The following STPG2 variants were observed in gnomAD, a reference collection of about 807,000 sequenced individuals.
The protein encoded by STPG2 is sperm-tail PG-rich repeat-containing protein 2.
A neutral mutation model predicts 54.2 loss-of-function variants in STPG2; 56 were observed. The ratio of observed to expected loss-of-function variants is 1.03; its 90% CI spans 0.83 to 1.29. STPG2 has a LOEUF of 1.29. Among genes scored for constraint, STPG2 ranks in the 50% most tolerant of loss-of-function variants. The pLI, the probability that STPG2 is intolerant of heterozygous loss-of-function variation, is 0.00. For synonymous variants in STPG2, 200 were observed against 181.8 expected (o/e 1.10, Z -0.81); for missense variants, 596 against 544.9 (o/e 1.09, Z -0.93).
Position 97,793,402 on chromosome 4 carries a change from C to CAGAG in STPG2, c.1204+47367_1204+47370dup, listed in dbSNP as rs58183995. Among the ~76,000 whole-genome samples, 4 of 148,354 alleles carry CAGAG rather than the reference C, an allele frequency of 2.7e-5. No individual in the cohort carries two copies. In the East Asian group the frequency reaches 6.0e-4, roughly 22 times the overall value. Reference sequence around the variant, plus strand: ...ACACACACACACACACACACACACACAGAGAAATAGCATACATATAAATTA... The same window carrying CAGAG: ...ACACACACACACACACACACACACACAGAGAGAGAAATAGCATACATATAAATTA... On this transcript the variant is annotated intron_variant, in intron 9 of 10. Transcript: ENST00000295268.
chr4:97,991,430 A>AAT (rs1735007095), intron 5 of STPG2, among the ~76,000 whole-genome samples: 1 of 141,428 alleles, frequency 7.1e-6, no homozygotes, highest in African/African-American at 2.7e-5. Context: ...AATACTACTC[A>AAT]GTGTGTGTGT....
chr4:98,112,647 G>GT (rs556739982), intron 3 of STPG2, among the ~76,000 whole-genome samples: 7 of 152,054 alleles, frequency 4.6e-5, no homozygotes, highest in Non-Finnish European at 1.0e-4. Flanking sequence ...GAAAATTATA[G>GT]TTTTTCTAAA....
chr4:97,857,602 CT>C (rs954909016), intron 8 of STPG2, among the ~76,000 whole-genome samples: 1 of 151,988 alleles, frequency 6.6e-6, no homozygotes, highest in Admixed American at 6.6e-5. Flanking sequence ...AAAACAATGT[CT>C]CCTGGATTCA....
chr4:98,084,197 T>C (rs1425423522), intron 5 of STPG2, among the ~76,000 whole-genome samples: 1 of 152,220 alleles, frequency 6.6e-6, no homozygotes, highest in Admixed American at 6.5e-5. Context: ...AATGAAATCA[T>C]ACAGTATTTT....
At chr4:97,516,849 A>AT (rs1553934571) in intron 4 of STPG2, among the ~76,000 whole-genome samples, 11 of 149,134 alleles carry the variant, frequency 7.4e-5, no homozygotes, top group Middle Eastern at 3.5e-3. Context: ...CAACAACAAC[A>AT]ATATATATAT....
chr4:97,826,366 T>C (rs1057045921), intron 9 of STPG2, among the ~76,000 whole-genome samples: 1 of 149,090 alleles, frequency 6.7e-6, no homozygotes, highest in African/African-American at 2.5e-5. Flanking sequence ...ATATAAAGGT[T>C]TGAACAAGTT....
At chr4:98,000,461 A>G (rs1430029175) in intron 5 of STPG2, among the ~76,000 whole-genome samples, 1 of 130,462 alleles carries the variant, frequency 7.7e-6, no homozygotes, top group Non-Finnish European at 1.7e-5. Flanking sequence ...TAACTCTTTA[A>G]GTGATCTAAC....
intron 9 of STPG2, among the ~76,000 whole-genome samples, chr4:97,816,720 T>TCCTC (rs1005533805): frequency 4.0e-5 from 6 of 149,956 alleles, no homozygotes; most frequent in African/African-American, 1.2e-4. Flanking sequence ...CTTCCTTCCT[T>TCCTC]CCTCCCTCCC....
At chr4:97,576,154 C>G (rs1163115690) in intron 10 of STPG2, among the ~76,000 whole-genome samples, 2 of 151,548 alleles carry the variant, frequency 1.3e-5, no homozygotes, top group African/African-American at 4.9e-5. Context: ...CATGAATAGG[C>G]AGAATCAATA....
chr4:98,122,227 C>T (rs1560689283), intron 3 of STPG2, among the ~76,000 whole-genome samples: 1 of 152,138 alleles, frequency 6.6e-6, no homozygotes, highest in Non-Finnish European at 1.5e-5. Flanking sequence ...CCAAAACTTC[C>T]AATACTATGT....
At chr4:97,445,709 A>G (rs1399014498) in intron 4 of STPG2, among the ~76,000 whole-genome samples, 3 of 152,216 alleles carry the variant, frequency 2.0e-5, no homozygotes, top group Non-Finnish European at 4.4e-5. Context: ...GCATGAATAA[A>G]CTGATGGCAT....
At chr4:97,977,949 G>T (rs1734548913) in intron 6 of STPG2, among the ~76,000 whole-genome samples, 1 of 152,170 alleles carries the variant, frequency 6.6e-6, no homozygotes, top group African/African-American at 2.4e-5. Flanking sequence ...CTGGTATTAT[G>T]CAATGGCAGA....
chr4:97,442,677 G>A (rs1307608995), intron 4 of STPG2, among the ~76,000 whole-genome samples: 1 of 152,084 alleles, frequency 6.6e-6, no homozygotes, highest in Admixed American at 6.6e-5. Context: ...ATGGAAGTGA[G>A]CATGCCTGGA....
At chr4:97,696,678 A>T (rs1183261316) in intron 10 of STPG2, among the ~76,000 whole-genome samples, 1 of 152,198 alleles carries the variant, frequency 6.6e-6, no homozygotes, top group Non-Finnish European at 1.5e-5. Context: ...CAAGTCAGCA[A>T]GACAAAAGAA....
intron 9 of STPG2, among the ~76,000 whole-genome samples, chr4:97,831,039 G>C (rs1728439641): frequency 6.6e-6 from 1 of 152,278 alleles, no homozygotes; most frequent in South Asian, 2.1e-4. Flanking sequence ...GACATTTACA[G>C]AACTGTCCAC....
intron 10 of STPG2, among the ~76,000 whole-genome samples, chr4:97,619,855 G>GCT (rs1192836709): frequency 2.9e-5 from 4 of 140,120 alleles, no homozygotes; most frequent in South Asian, 2.3e-4. Flanking sequence ...ACAGAGTCTC[G>GCT]CTCTCTCTCT....
intron 5 of STPG2, among the ~76,000 whole-genome samples, chr4:98,053,122 G>A (rs946196040): frequency 6.6e-6 from 1 of 152,154 alleles, no homozygotes; most frequent in South Asian, 2.1e-4. Context: ...CAGAAGGCCT[G>A]AGGCCCATTT....
chr4:97,686,943 T>TA (rs1446176672), intron 10 of STPG2, among the ~76,000 whole-genome samples: 1 of 148,360 alleles, frequency 6.7e-6, no homozygotes, highest in African/African-American at 2.5e-5. Flanking sequence ...TTATTATTAT[T>TA]TTTTTTTTTG....
chr4:98,130,258 C>T (rs889354118), intron 2 of STPG2, among the ~76,000 whole-genome samples: 3 of 152,030 alleles, frequency 2.0e-5, no homozygotes, highest in Non-Finnish European at 4.4e-5. Context: ...TCACTGCAAC[C>T]TCTGCCTCCC....
Sources: allele counts gnomAD v4.1 joint callset (sites outside exome capture counted in the v4.1 genomes callset), GRCh38; gene constraint gnomAD v4.1.1; transcripts MANE v1.5; gene names NCBI Gene and HGNC (gene_info 2026-07-23, HGNC 2026-07-21).